LIPE: variants seen among roughly 807,000 people sequenced by gnomAD.
LIPE encodes the protein lipase E, hormone sensitive type, also known as hormone-sensitive lipase.
In LIPE, 66 loss-of-function variants were observed where a neutral mutation model predicts 88.5. The observed-to-expected ratio is 0.75, with a 90% CI of 0.61 to 0.91. The LOEUF (loss-of-function observed/expected upper bound fraction) is 0.91. Among genes scored for constraint, LIPE ranks in the 40% least tolerant of loss-of-function variants. The probability of loss-of-function intolerance (pLI) is 0.00; values close to 1 mark genes in which losing one functional copy is unlikely to be tolerated. For missense variants in LIPE, 1,346 were observed against 1,434.7 expected (o/e 0.94, Z 1.00); for synonymous variants, 570 against 617.5 (o/e 0.92, Z 1.14).
At chr19:42,418,220 T>C (rs1021334024) in intron 1 of LIPE, among the ~76,000 whole-genome samples, 1 of 152,146 alleles carries the variant, frequency 6.6e-6, no homozygotes, top group African/African-American at 2.4e-5. Context: ...TGACCTTGGG[T>C]GATTTGCCCA....
chr19:42,407,391 T>A lies in LIPE; in HGVS notation c.1920A>T (p.Ala640=). The change falls in exon 6 of 10, where the codon GCA becomes GCT. Residue 640 remains alanine (A), a synonymous_variant. Transcript: ENST00000244289. This position sits in a 1 kb window ranked among gnomAD's most constrained non-coding sequence, Gnocchi z 5.8. The part of the protein sequence containing the change: ...SLELWPRPQQ[A]PRSRSLIVHF... ...GCACTATCAGGGACCGCGAGCGGGGTGCCTGCTGGGGGCGCGGCCACAGCT... is the reference window on the plus strand; with the variant it reads ...GCACTATCAGGGACCGCGAGCGGGGAGCCTGCTGGGGGCGCGGCCACAGCT... 1 of 1,613,526 alleles carries A rather than the reference T, an allele frequency of 6.2e-7. No homozygotes were observed. Among genetic ancestry groups the A allele is most frequent in the South Asian group, 1.1e-5 (1 of 91,056 alleles).
Position 42,407,867 on chromosome 19 carries a change from C to A in LIPE, c.1657-76G>T. ...GCCCTTCACCTCTCCCTCTGATCCCCAGTCTTTCCCCTTGTGTGCCATCCC... is the reference window on the plus strand; with the variant it reads ...GCCCTTCACCTCTCCCTCTGATCCCAAGTCTTTCCCCTTGTGTGCCATCCC... On this transcript the variant is annotated intron_variant, in intron 4 of 9. Coordinates refer to ENST00000244289, the MANE Select transcript of LIPE (RefSeq NM_005357.4). The surrounding 1 kb of genome is among the most constrained non-coding windows in gnomAD (Gnocchi z 5.8). 6.4e-7 allele frequency: 1 copy of A among 1,553,592 alleles called. No individual in the cohort carries two copies. Among genetic ancestry groups the A allele is most frequent in the Non-Finnish European group, 8.7e-7 (1 of 1,150,402 alleles).
At position 42,401,594 on chromosome 19, in the gene LIPE, G is replaced by A. The variant is rs2039971063; in HGVS notation, c.*218C>T. On this transcript the variant is annotated 3_prime_UTR_variant, in exon 10 of 10. Transcript: ENST00000244289. Reference sequence around the variant, plus strand: ...CCCCGTCCCTGCGGCGGTCGCCGCAGCAGCAGCAGCAAAAGGCAGCGGTGG... The same window carrying A: ...CCCCGTCCCTGCGGCGGTCGCCGCAACAGCAGCAGCAAAAGGCAGCGGTGG... The A allele has an allele frequency of 1.9e-6, 1 of 513,252 alleles. No homozygotes were observed. 31.8% of individuals were successfully genotyped at this position (513,252 alleles called of 1,614,324 possible).
At chr19:42,405,985 C>G (rs1273663698) in intron 7 of LIPE, 176 bp downstream of exon 7, 1 of 565,454 alleles carries the variant, frequency 1.8e-6, no homozygotes, top group East Asian at 2.8e-5. Flanking sequence ...CTCACACACA[C>G]ACACACACAC....
Position 42,426,438 on chromosome 19 carries a change from C to A in LIPE, c.712G>T (p.Val238Leu). The A allele has an allele frequency of 9.3e-6, 15 of 1,614,104 alleles. No homozygotes were observed. Among genetic ancestry groups the A allele is most frequent in the Non-Finnish European group, 1.2e-5 (14 of 1,179,954 alleles). The change falls in exon 1 of 10, where the codon GTG (valine) becomes TTG (leucine). Residue 238 changes from valine to leucine, a missense_variant. Transcript: ENST00000244289. The stretch of plus-strand genomic sequence containing the variant: ...GAATCTGTGTCTGAAGATGATCCCA[C>A]ATCTGATTCTGACTCAGAATCTGTG... ...WVTDSESESD[V>L]GSSSDTDSPA...
chr19:42,427,224 ACAG>A lies in LIPE; in HGVS notation c.-78_-76del. On this transcript the variant is annotated 5_prime_UTR_variant, in exon 1 of 10. Coordinates refer to ENST00000244289, the MANE Select transcript of LIPE (RefSeq NM_005357.4). ...GGCTCCCACCCAGCCCTCTCTCTTC[ACAG>A]ATCTCTCATTGATTCCTCATGATGG... 2 of 1,488,558 alleles carry A rather than the reference ACAG, an allele frequency of 1.3e-6. No individual in the cohort carries two copies. Among genetic ancestry groups the A allele is most frequent in the Non-Finnish European group, 1.8e-6 (2 of 1,124,192 alleles). The allele number at this position is 1,488,558 out of a possible 1,614,324, so 92.2% of individuals were successfully genotyped here. A position where few individuals can be genotyped will look rare whatever the true frequency, so the allele number is the denominator to read the frequency against.
Position 42,408,023 on chromosome 19 carries a change from G to A in LIPE, c.1609C>T (p.His537Tyr), listed in dbSNP as rs970531379. 1.2e-6 allele frequency: 2 copies of A among 1,613,706 alleles called. No homozygotes were observed. The highest frequency in any genetic ancestry group is 1.3e-5 in the African/African-American group (1 of 74,914). The change falls in exon 4 of 10, where the codon CAC (histidine) becomes TAC (tyrosine). Residue 537 changes from histidine to tyrosine, a missense_variant. Transcript: ENST00000244289. The surrounding 1 kb of genome is among the most constrained non-coding windows in gnomAD (Gnocchi z 4.3). The stretch of plus-strand genomic sequence containing the variant: ...ATGTTCCAGAAGGCTTTCCAGAAGT[G>A]CACGTCCAGGTTCTGTGTGATCCGC... ...FERITQNLDV[H>Y]FWKAFWNITE...
At chr19:42,404,792 G>A (rs1343586800) in intron 8 of LIPE, among the ~76,000 whole-genome samples, 12 of 152,238 alleles carry the variant, frequency 7.9e-5, no homozygotes, top group Non-Finnish European at 1.8e-4. Context: ...TCTTCTAATA[G>A]CACCTACTGG....
rs1341318133 is a variant in LIPE, at chr19:42,408,368, G to A, written c.1420-46C>T. On this transcript the variant is annotated intron_variant, in intron 2 of 9. Transcript: ENST00000244289. The surrounding 1 kb of genome is among the most constrained non-coding windows in gnomAD (Gnocchi z 4.3). ...GTCACCCACCGCTCAAGAGAGGGAT[G>A]GGGACAGGGCAGGAGCGAGGCACAG... 2 of 1,509,166 alleles carry A rather than the reference G, an allele frequency of 1.3e-6. No homozygotes were observed. The highest frequency in any genetic ancestry group is 1.7e-5 in the Admixed American group (1 of 59,900). The allele number at this position is 1,509,166 out of a possible 1,614,324, so 93.5% of individuals were successfully genotyped here.
At chr19:42,409,502 G>T (rs180957548) in intron 2 of LIPE, among the ~76,000 whole-genome samples, 1 of 151,926 alleles carries the variant, frequency 6.6e-6, no homozygotes, top group Non-Finnish European at 1.5e-5. Flanking sequence ...TGTTCACTCT[G>T]TACTGGCCAA....
chr19:42,407,277 G>C lies in LIPE; in HGVS notation c.2034C>G (p.Ile678Met). 2 of 1,607,594 alleles carry C rather than the reference G, an allele frequency of 1.2e-6. No individual in the cohort carries two copies. Among genetic ancestry groups the C allele is most frequent in the South Asian group, 1.1e-5 (1 of 90,100 alleles). The change falls in exon 6 of 10, where the codon ATC becomes ATG. Residue 678 changes from isoleucine (I) to methionine (M), a missense_variant. Ile to Met is a conservative substitution (Grantham distance 10). Transcript: ENST00000244289. The surrounding 1 kb of genome is among the most constrained non-coding windows in gnomAD (Gnocchi z 5.8). ...GGGCCAGGGAGTAGTCGATGGAGATGATGGGGGCGCCCAGCTCCTGGGCCC... is the reference window on the plus strand; with the variant it reads ...GGGCCAGGGAGTAGTCGATGGAGATCATGGGGGCGCCCAGCTCCTGGGCCC... ...KSWAQELGAP[I>M]ISIDYSLAPE...
chr19:42,407,546 G>A lies in LIPE; in HGVS notation c.1842+60C>T, dbSNP rs552062219. The A allele has an allele frequency of 1.9e-6, 3 of 1,576,022 alleles. No individual in the cohort carries two copies. The South Asian group carries it at 3.5e-5, about 19-fold the overall frequency. On this transcript the variant is annotated intron_variant, in intron 5 of 9. Transcript: ENST00000244289. This position sits in a 1 kb window ranked among gnomAD's most constrained non-coding sequence, Gnocchi z 5.8. ...TGCACCCCTCCATGGGGATGCCAAG[G>A]TGGGGGCTGCCCACGCTCCTCGGCT... is the stretch of plus-strand genomic sequence containing the variant.
chr19:42,410,404 A>G lies in LIPE; in HGVS notation c.1322T>C (p.Leu441Pro). 6.2e-7 allele frequency: 1 copy of G among 1,614,212 alleles called. No homozygotes were observed. The highest frequency in any genetic ancestry group is 8.5e-7 in the Non-Finnish European group (1 of 1,180,032). ...RLLVTNRPGV[L>P]FFEGDEGLTA... ...GAGCCCCTCGTCGCCCTCAAAGAAG[A>G]GTACCCCCGGCCGATTGGTAACCAG... Residue 441 changes from leucine (L) to proline (P), a missense_variant, in exon 2 of 10, where the codon CTC becomes CCC. Physicochemically the swap from Leu to Pro is moderately conservative, Grantham distance 98 (BLOSUM62 -3). Transcript: ENST00000244289. This position sits in a 1 kb window ranked among gnomAD's most constrained non-coding sequence, Gnocchi z 6.1.
At chr19:42,403,242 TGTGTG>T in intron 8 of LIPE, among the ~76,000 whole-genome samples, 2 of 36,212 alleles carry the variant, frequency 5.5e-5, no homozygotes, top group South Asian at 1.8e-3. Context: ...TAGTGAAGGA[TGTGTG>T]TGTGTGTGTG....
chr19:42,423,864 G>T, intron 1 of LIPE: 1 of 1,122,608 alleles, frequency 8.9e-7, no homozygotes, highest in Non-Finnish European at 1.1e-6. Context: ...GGGAAGTCCC[G>T]ATCTTCCCAC....
Position 42,402,587 on chromosome 19 carries a change from C to A in LIPE, c.2967+20G>T. 6.8e-7 allele frequency: 1 copy of A among 1,471,944 alleles called. No homozygotes were observed. The allele number at this position is 1,471,944 out of a possible 1,614,324, so 91.2% of individuals were successfully genotyped here. The stretch of plus-strand genomic sequence containing the variant: ...TGCTCTTCTCTAAATGCACCTGTAC[C>A]GGCCCCCTCTGTCGCTCACCACGAT... On this transcript the variant is annotated intron_variant, in intron 9 of 9. Coordinates refer to ENST00000244289, the MANE Select transcript of LIPE (RefSeq NM_005357.4).
intron 1 of LIPE, chr19:42,423,646 G>A (rs536568820): frequency 1.7e-6 from 2 of 1,168,040 alleles, no homozygotes; most frequent in African/African-American, 1.6e-5. Context: ...CCAATCCCGA[G>A]CTTGCTCTTC....
rs1336596350 is a variant in LIPE at position 42,401,744 on chromosome 19, G to A, written c.*68C>T. On this transcript the variant is annotated 3_prime_UTR_variant, in exon 10 of 10. Coordinates refer to ENST00000244289, the MANE Select transcript of LIPE (RefSeq NM_005357.4). ...CCCCGACTTAAGTAAGGCACAGCCC[G>A]CGTCCCCTTCCGCCCGGCCCGGAAG... 7.2e-5 allele frequency: 20 copies of A among 279,682 alleles called. No individual in the cohort carries two copies. The highest frequency in any genetic ancestry group is 9.5e-5 in the Non-Finnish European group (19 of 199,114). 17.3% of individuals were successfully genotyped at this position (279,682 alleles called of 1,614,324 possible).
intron 1 of LIPE, among the ~76,000 whole-genome samples, chr19:42,419,326 T>A (rs1019932698): frequency 7.9e-5 from 12 of 152,134 alleles, no homozygotes; most frequent in Non-Finnish European, 1.5e-4. Flanking sequence ...AGGGGACATT[T>A]CCAACAAAAC....
Sources: allele counts gnomAD v4.1 joint callset (sites outside exome capture counted in the v4.1 genomes callset), GRCh38; gene constraint gnomAD v4.1.1; non-coding constraint Gnocchi (gnomAD v3.1); transcripts MANE v1.5; gene names NCBI Gene and HGNC (gene_info 2026-07-23, HGNC 2026-07-21).